The following PATJ variants were observed in gnomAD, a reference collection of about 807,000 sequenced individuals.
The protein encoded by PATJ is inaD-like protein.
PATJ carries 190 observed loss-of-function variants against 224.9 expected under a neutral mutation model. That is an observed-to-expected ratio of 0.84 (90% CI 0.75 to 0.95). The LOEUF (loss-of-function observed/expected upper bound fraction) is 0.95, where lower values mean the gene tolerates loss of function less well. Among genes scored for constraint, PATJ ranks in the 40% least tolerant of loss-of-function variants. PATJ has a pLI of 0.00. For synonymous variants in PATJ, 769 were observed against 820.3 expected, an observed-to-expected ratio of 0.94 and a Z score of 1.07; for missense variants, 2,121 against 2,270.3, an observed-to-expected ratio of 0.93 and a Z score of 1.34.
At chr1:61,746,794 A>C (rs541455041) in intron 1 of PATJ, among the ~76,000 whole-genome samples, 3 of 152,352 alleles carry the variant, frequency 2.0e-5, no homozygotes, top group Non-Finnish European at 4.4e-5. Context: ...AGAAACTAAA[A>C]GTACACAGAC....
intron 41 of PATJ, among the ~76,000 whole-genome samples, chr1:62,147,329 G>T (rs183013822): frequency 1.1e-4 from 17 of 152,166 alleles, no homozygotes; most frequent in Non-Finnish European, 1.5e-5. Flanking sequence ...CTAGTGAATT[G>T]TGGTGTCATG....
intron 41 of PATJ, among the ~76,000 whole-genome samples, chr1:62,135,413 G>A (rs1314059783): frequency 6.6e-6 from 1 of 151,632 alleles, no homozygotes; most frequent in Non-Finnish European, 1.5e-5. Flanking sequence ...CTACTCAGGA[G>A]GCTGAGGCAG....
chr1:61,814,519 A>T (rs1570666248), intron 14 of PATJ, among the ~76,000 whole-genome samples: 3 of 144,060 alleles, frequency 2.1e-5, no homozygotes, highest in African/African-American at 5.2e-5. Context: ...CCTTTTGTTT[A>T]GTGTGTGTGT....
intron 31 of PATJ, among the ~76,000 whole-genome samples, chr1:62,055,279 A>G (rs1318188195): frequency 6.6e-6 from 1 of 152,196 alleles, no homozygotes; most frequent in Non-Finnish European, 1.5e-5. Context: ...GCTTGCTGAC[A>G]TCGGAGCTCA....
chr1:62,015,077 A>G (rs933870147), intron 28 of PATJ, among the ~76,000 whole-genome samples: 10 of 152,202 alleles, frequency 6.6e-5, no homozygotes, highest in African/African-American at 2.4e-4. Flanking sequence ...AGGAGGGCGG[A>G]CCACCTGAGG....
chr1:61,876,870 A>G (rs1471126769), intron 21 of PATJ, among the ~76,000 whole-genome samples: 1 of 152,190 alleles, frequency 6.6e-6, no homozygotes, highest in African/African-American at 2.4e-5. Context: ...AAAATTGTGT[A>G]TCTTTGAAAA....
At chr1:61,982,752 T>A (rs1644519255) in intron 27 of PATJ, among the ~76,000 whole-genome samples, 1 of 152,048 alleles carries the variant, frequency 6.6e-6, no homozygotes, top group Non-Finnish European at 1.5e-5. Flanking sequence ...CAAAAGCTAG[T>A]ACTGACATAA....
chr1:62,147,796 TA>T (rs34657838), intron 41 of PATJ, among the ~76,000 whole-genome samples: 815 of 128,236 alleles, frequency 6.4e-3, no homozygotes, highest in Middle Eastern at 0.017. Context: ...AGACTCCGAC[TA>T]AAAAAAAAAA....
chr1:62,093,223 A>G (rs1661000189), intron 33 of PATJ, among the ~76,000 whole-genome samples: 1 of 152,192 alleles, frequency 6.6e-6, no homozygotes, highest in Non-Finnish European at 1.5e-5. Flanking sequence ...AAATTCATCT[A>G]TCTAGAAATT....
chr1:62,157,323 CAA>C (rs1180556601), intron 43 of PATJ, among the ~76,000 whole-genome samples: 1 of 144,788 alleles, frequency 6.9e-6, no homozygotes, highest in Admixed American at 7.3e-5. Context: ...GACTCCATCT[CAA>C]AAAAAAAAGT....
At chr1:61,861,305 TTTACGTGAATGAATC>T in intron 18 of PATJ, among the ~76,000 whole-genome samples, 1 of 137,886 alleles carries the variant, frequency 7.3e-6, no homozygotes, top group Admixed American at 7.4e-5. Flanking sequence ...TTTTTTTTTT[TTTACGTGAATGAATC>T]TTTTCTTTTT....
At chr1:61,825,945 C>G (rs1422519575) in intron 15 of PATJ, among the ~76,000 whole-genome samples, 1 of 152,136 alleles carries the variant, frequency 6.6e-6, no homozygotes, top group East Asian at 1.9e-4. Context: ...CAGTTGAAAT[C>G]ATGGATACGG....
intron 27 of PATJ, among the ~76,000 whole-genome samples, chr1:61,953,675 A>G (rs1294504490): frequency 6.6e-6 from 1 of 152,194 alleles, no homozygotes; most frequent in Non-Finnish European, 1.5e-5. Context: ...TGTATTGACA[A>G]GGCAACTTAT....
Position 62,062,598 on chromosome 1 carries a change from A to T in PATJ, c.4125+11540A>T, listed in dbSNP as rs1469513334. On this transcript the variant is annotated intron_variant, in intron 31 of 43. Coordinates refer to ENST00000642238, the MANE Select transcript of PATJ (RefSeq NM_001350145.3). ...ACAGCAACCTTGAACTCCTGGCACA[A>T]GCAATCCTCCCACATCAGCCTTCCA... Among the ~76,000 whole-genome samples the T allele has an allele frequency of 4.0e-5, 6 of 148,674 alleles. 1 individual carries two copies. The East Asian group carries it at 5.9e-4, about 15-fold the overall frequency.
chr1:61,983,536 A>T (rs910718446), intron 27 of PATJ, among the ~76,000 whole-genome samples: 8 of 152,130 alleles, frequency 5.3e-5, no homozygotes, highest in Non-Finnish European at 1.0e-4. Context: ...TCTTTGAGAA[A>T]AAAATTGTAT....
intron 31 of PATJ, among the ~76,000 whole-genome samples, chr1:62,069,573 A>G (rs1190492433): frequency 6.6e-6 from 1 of 152,222 alleles, no homozygotes; most frequent in Non-Finnish European, 1.5e-5. Context: ...ACAGTGCGTC[A>G]GACCAGATGC....
At chr1:62,029,894 A>C (rs74079634) in intron 29 of PATJ, among the ~76,000 whole-genome samples, 1,611 of 152,342 alleles carry the variant, frequency 0.011, 30 homozygotes, top group African/African-American at 0.037. Context: ...AAAGACATGC[A>C]AATAAGAAAC....
chr1:61,963,727 G>A (rs1420226714), intron 27 of PATJ, among the ~76,000 whole-genome samples: 1 of 152,100 alleles, frequency 6.6e-6, no homozygotes, highest in Non-Finnish European at 1.5e-5. Flanking sequence ...AGGCAGGGTT[G>A]GTCTTGCTGT....
intron 28 of PATJ, among the ~76,000 whole-genome samples, chr1:62,015,982 G>C (rs1646751107): frequency 6.6e-6 from 1 of 152,050 alleles, no homozygotes; most frequent in Non-Finnish European, 1.5e-5. Context: ...GTAGAGACAG[G>C]GTTTCACCAT....
Sources: gnomAD v4.1 joint callset for allele counts (sites outside exome capture counted in the v4.1 genomes callset) on GRCh38, gnomAD v4.1.1 for gene constraint, MANE v1.5 for transcripts, NCBI Gene and HGNC (gene_info 2026-07-23, HGNC 2026-07-21) for gene names.